Variants in AGAP1 observed in about 807,000 individuals in gnomAD.
The protein encoded by AGAP1 is arf-GAP with GTPase, ANK repeat and PH domain-containing protein 1.
A neutral mutation model predicts 105.3 loss-of-function variants in AGAP1; 29 were observed. The ratio of observed to expected loss-of-function variants is 0.28; its 90% CI spans 0.21 to 0.38. The LOEUF (loss-of-function observed/expected upper bound fraction) is 0.38, where lower values mean the gene tolerates loss of function less well. Among genes scored for constraint, AGAP1 ranks in the 10% least tolerant of loss-of-function variants. The pLI is 1.00. For missense variants in AGAP1, 998 were observed against 1,165.1 expected, an observed-to-expected ratio of 0.86 and a Z score of 2.09; for synonymous variants, 509 against 485.9, an observed-to-expected ratio of 1.05 and a Z score of -0.63.
chr2:235,515,694 T>C (rs551939326), intron 1 of AGAP1, among the ~76,000 whole-genome samples: 1 of 152,362 alleles, frequency 6.6e-6, no homozygotes, highest in East Asian at 1.9e-4. Flanking sequence ...GAGATTGTAA[T>C]GTGTTCATTG....
At position 236,061,044 on chromosome 2, in the gene AGAP1, C is replaced by G. The variant is rs2125755931; in HGVS notation, c.2114+11763C>G. ...CGTCACTCCACTCTAGCCTGGATAA[C>G]AGAACAAGACCTCGTCTGAAAAATA... On this transcript the variant is annotated intron_variant, in intron 16 of 17. Coordinates refer to ENST00000304032, the MANE Select transcript of AGAP1 (RefSeq NM_001037131.3). This position sits in a 1 kb window ranked among gnomAD's most constrained non-coding sequence, Gnocchi z 4.1. Among the ~76,000 whole-genome samples, 1 of 152,248 alleles carries G rather than the reference C, an allele frequency of 6.6e-6. No homozygotes were observed. Among genetic ancestry groups the G allele is most frequent in the African/African-American group, 2.4e-5 (1 of 41,532 alleles).
At chr2:235,933,201 A>G (rs1345040075) in intron 12 of AGAP1, among the ~76,000 whole-genome samples, 2 of 152,246 alleles carry the variant, frequency 1.3e-5, no homozygotes, top group Admixed American at 1.3e-4. Flanking sequence ...GAAATGCTTA[A>G]AGAACCAGAT....
In AGAP1 at chr2:235,690,717, G is replaced by A. The variant is rs1366784108; in HGVS notation, c.164-18462G>A. ...AAGAGGTGCAGGCTTCCGGCTATTG[G>A]TAGACACCTGTCTGCTTGGGGCAGG... On this transcript the variant is annotated intron_variant, in intron 1 of 17. Coordinates refer to ENST00000304032, the MANE Select transcript of AGAP1 (RefSeq NM_001037131.3). This position sits in a 1 kb window ranked among gnomAD's most constrained non-coding sequence, Gnocchi z 4.1. 6.6e-6 allele frequency among the ~76,000 whole-genome samples: 1 copy of A among 152,150 alleles called. No homozygotes were observed. The highest frequency in any genetic ancestry group is 2.4e-5 in the African/African-American group (1 of 41,444).
intron 1 of AGAP1, among the ~76,000 whole-genome samples, chr2:235,531,447 G>C (rs1404465582): frequency 6.6e-6 from 1 of 151,950 alleles, no homozygotes; most frequent in African/African-American, 2.4e-5. Context: ...CTCTGCATCG[G>C]TCTTCTCTTT....
intron 8 of AGAP1, among the ~76,000 whole-genome samples, chr2:235,803,178 A>ATGGTGATGATGGTTGTGGTGG (rs1957666179): frequency 7.3e-6 from 1 of 137,406 alleles, no homozygotes; most frequent in African/African-American, 2.6e-5. Flanking sequence ...GGTTGTGGTG[A>ATGGTGATGATGGTTGTGGTGG]TGGTGATGAT....
At chr2:235,857,800 A>T (rs1467770991) in intron 9 of AGAP1, among the ~76,000 whole-genome samples, 2 of 152,230 alleles carry the variant, frequency 1.3e-5, no homozygotes, top group Non-Finnish European at 2.9e-5. Context: ...TACAGTCGTC[A>T]TTTGGGAATT....
chr2:235,699,611 A>G (rs1950160010), intron 1 of AGAP1, among the ~76,000 whole-genome samples: 1 of 152,174 alleles, frequency 6.6e-6, no homozygotes, highest in Admixed American at 6.5e-5. Flanking sequence ...CCACATCCAA[A>G]TTGCATTCCA....
chr2:235,859,315 C>T (rs1356414181), intron 9 of AGAP1, among the ~76,000 whole-genome samples: 2 of 150,614 alleles, frequency 1.3e-5, no homozygotes, highest in Admixed American at 6.7e-5. Context: ...GAACCATTCA[C>T]TGTTGTTGTG....
intron 13 of AGAP1, among the ~76,000 whole-genome samples, chr2:235,991,126 T>C (rs763226956): frequency 1.3e-5 from 2 of 152,280 alleles, no homozygotes; most frequent in Non-Finnish European, 2.9e-5. Context: ...TATGTTCTAC[T>C]GTATTGTGTA....
At chr2:236,047,701 G>A (rs1465005763) in intron 15 of AGAP1, among the ~76,000 whole-genome samples, 1 of 140,666 alleles carries the variant, frequency 7.1e-6, no homozygotes, top group Non-Finnish European at 1.5e-5. Flanking sequence ...CTGAGTTCAA[G>A]CGATTCTCCA....
In AGAP1 at chr2:236,001,414, G is replaced by A. The variant is rs2056115386; in HGVS notation, c.1645+32791G>A. 6.6e-6 allele frequency among the ~76,000 whole-genome samples: 1 copy of A among 152,220 alleles called. No homozygotes were observed. The highest frequency in any genetic ancestry group is 1.5e-5 in the Non-Finnish European group (1 of 68,038). The stretch of plus-strand genomic sequence containing the variant: ...TCTGCACAGTAGGGAGCTGGGGAAG[G>A]TGTGTGGCTACTAACGTGAGCCTGT... On this transcript the variant is annotated intron_variant, in intron 13 of 17. Transcript: ENST00000304032. This position sits in a 1 kb window ranked among gnomAD's most constrained non-coding sequence, Gnocchi z 4.7.
At chr2:235,851,875 G>A (rs562853717) in intron 9 of AGAP1, among the ~76,000 whole-genome samples, 12 of 152,250 alleles carry the variant, frequency 7.9e-5, no homozygotes, top group Middle Eastern at 3.4e-3. Context: ...TAATTTTGGC[G>A]ACAAGCAGTA....
rs542597122 is a variant in AGAP1 at position 235,942,404 on chromosome 2, G to A, written c.1483+11481G>A. ...CATTAACTTACATTTTAGGCTGGGC[G>A]TGGTGGCTCACACCTGTAATCCCAG... On this transcript the variant is annotated intron_variant, in intron 12 of 17. Transcript: ENST00000304032. 2.8e-4 allele frequency among the ~76,000 whole-genome samples: 42 copies of A among 152,270 alleles called. No homozygotes were observed. In the East Asian group the frequency reaches 7.3e-3, roughly 27 times the overall value.
chr2:236,033,025 C>T (rs1021176855), intron 13 of AGAP1, among the ~76,000 whole-genome samples: 2 of 152,076 alleles, frequency 1.3e-5, no homozygotes, highest in Non-Finnish European at 2.9e-5. Context: ...GTGGGCGGAT[C>T]ACCTGAGGTC....
rs567272695 is a variant in AGAP1 at position 236,056,738 on chromosome 2, C to T, written c.2114+7457C>T. Reference sequence around the variant, plus strand: ...AAGAGGAGGGAGACAAAAACATGGCCGGAGCACACAGCGCCCTGTGTGCTT... The same window carrying T: ...AAGAGGAGGGAGACAAAAACATGGCTGGAGCACACAGCGCCCTGTGTGCTT... On this transcript the variant is annotated intron_variant, in intron 16 of 17. Coordinates refer to ENST00000304032, the MANE Select transcript of AGAP1 (RefSeq NM_001037131.3). The surrounding 1 kb of genome is among the most constrained non-coding windows in gnomAD (Gnocchi z 4.6). Among the ~76,000 whole-genome samples, 37 of 152,188 alleles carry T rather than the reference C, an allele frequency of 2.4e-4. No homozygotes were observed. The highest frequency in any genetic ancestry group is 7.5e-4 in the African/African-American group (31 of 41,530).
chr2:235,730,297 C>T (rs1951870406), intron 3 of AGAP1, among the ~76,000 whole-genome samples: 1 of 151,962 alleles, frequency 6.6e-6, no homozygotes, highest in African/African-American at 2.4e-5. Flanking sequence ...GCCAAGGGTC[C>T]CCTGCTTGGC....
intron 1 of AGAP1, among the ~76,000 whole-genome samples, chr2:235,702,493 C>A (rs1010706666): frequency 6.6e-6 from 1 of 152,190 alleles, no homozygotes; most frequent in Non-Finnish European, 1.5e-5. Context: ...TCTGAAAGTT[C>A]TCTTCCTTGA....
chr2:235,509,676 C>A (rs975038908), intron 1 of AGAP1, among the ~76,000 whole-genome samples: 2 of 152,112 alleles, frequency 1.3e-5, no homozygotes, highest in African/African-American at 4.8e-5. Context: ...CAACCTGCAT[C>A]ACCTCTGTCC....
chr2:235,740,335 C>T lies in AGAP1; in HGVS notation c.311-628C>T, dbSNP rs1014420010. ...TCCCGGTGGTCTCCCGCTAACCCCG[C>T]GTGGTCTCTAACGCCTCCTGTCAGC... is the stretch of plus-strand genomic sequence containing the variant. On this transcript the variant is annotated intron_variant, in intron 3 of 17. Coordinates refer to ENST00000304032, the MANE Select transcript of AGAP1 (RefSeq NM_001037131.3). This position sits in a 1 kb window ranked among gnomAD's most constrained non-coding sequence, Gnocchi z 5.7. 2.0e-5 allele frequency among the ~76,000 whole-genome samples: 3 copies of T among 152,036 alleles called. No homozygotes were observed. The highest frequency in any genetic ancestry group is 4.8e-5 in the African/African-American group (2 of 41,368).
Sources: allele counts gnomAD v4.1 joint callset (sites outside exome capture counted in the v4.1 genomes callset), GRCh38; gene constraint gnomAD v4.1.1; non-coding constraint Gnocchi (gnomAD v3.1); transcripts MANE v1.5; gene names NCBI Gene and HGNC (gene_info 2026-07-23, HGNC 2026-07-21).